Variants in E2F3 observed in about 807,000 individuals in gnomAD.
E2F3 encodes E2F transcription factor 3, also known as transcription factor E2F3.
In E2F3, 11 loss-of-function variants were observed where a neutral mutation model predicts 44.4. The observed-to-expected ratio is 0.25, with a 90% CI of 0.16 to 0.41. The LOEUF is 0.41. Among genes scored for constraint, E2F3 ranks in the 10% least tolerant of loss-of-function variants. The pLI is 1.00. For synonymous variants in E2F3, 249 were observed against 253.0 expected (o/e 0.98, Z 0.15); for missense variants, 487 against 583.6 (o/e 0.83, Z 1.70).
intron 1 of E2F3, among the ~76,000 whole-genome samples, chr6:20,438,190 C>T (rs76975965): frequency 0.012 from 1,883 of 152,240 alleles, 56 homozygotes; most frequent in African/African-American, 0.042. Flanking sequence ...CCCAATTTAC[C>T]TTACACAGTC....
chr6:20,418,549 G>A (rs534670955), intron 1 of E2F3, among the ~76,000 whole-genome samples: 2 of 152,254 alleles, frequency 1.3e-5, no homozygotes, highest in East Asian at 1.9e-4. Context: ...TTCTAAAGGC[G>A]GACAAACTAG....
At chr6:20,460,913 T>C (rs1442062751) in intron 1 of E2F3, among the ~76,000 whole-genome samples, 1 of 141,130 alleles carries the variant, frequency 7.1e-6, no homozygotes, top group Admixed American at 7.6e-5. Flanking sequence ...GGAGAATCAC[T>C]TGAACCCAGG....
At chr6:20,484,502 A>G (rs1466789809) in intron 4 of E2F3, among the ~76,000 whole-genome samples, 1 of 152,196 alleles carries the variant, frequency 6.6e-6, no homozygotes, top group African/African-American at 2.4e-5. Flanking sequence ...AGTGAGCTGT[A>G]GTGTAAGTAC....
intron 1 of E2F3, among the ~76,000 whole-genome samples, chr6:20,463,795 G>A (rs1761608424): frequency 6.6e-6 from 1 of 152,180 alleles, no homozygotes; most frequent in African/African-American, 2.4e-5. Context: ...CATCTACCCA[G>A]AGATAGCGTC....
chr6:20,463,861 A>C (rs1260728546), intron 1 of E2F3, among the ~76,000 whole-genome samples: 2 of 152,216 alleles, frequency 1.3e-5, no homozygotes, highest in African/African-American at 4.8e-5. Flanking sequence ...TTCCAATGCC[A>C]GTCGCAAGCC....
intron 1 of E2F3, among the ~76,000 whole-genome samples, chr6:20,455,169 A>G (rs1257989201): frequency 6.6e-6 from 1 of 152,230 alleles, no homozygotes; most frequent in African/African-American, 2.4e-5. Flanking sequence ...ATAAATAGCG[A>G]CTTGCTTGAA....
In E2F3 at chr6:20,402,373, CGCCGCCGCT is replaced by C. The variant is rs752556687; in HGVS notation, c.150_158del (p.Ala51_Ala53del). ...TAGCCAGCCCCGGCTTCGCCGCCGC[CGCCGCCGCT>C]GCCGCCGCCCCGGGCGCGTACATCC... On this transcript the variant is annotated inframe_deletion, in exon 1 of 7. Coordinates refer to ENST00000346618, the MANE Select transcript of E2F3 (RefSeq NM_001949.5). The surrounding 1 kb of genome is among the most constrained non-coding windows in gnomAD (Gnocchi z 5.6). 44 of 1,608,672 alleles carry C rather than the reference CGCCGCCGCT, an allele frequency of 2.7e-5. No individual in the cohort carries two copies. The highest frequency in any genetic ancestry group is 2.6e-5 in the Non-Finnish European group (31 of 1,178,284).
chr6:20,469,714 A>G (rs1376359241), intron 1 of E2F3, among the ~76,000 whole-genome samples: 1 of 152,190 alleles, frequency 6.6e-6, no homozygotes, highest in Non-Finnish European at 1.5e-5. Context: ...AAAAATGACC[A>G]ACTTTGGAGT....
At chr6:20,429,256 C>T (rs1207712976) in intron 1 of E2F3, among the ~76,000 whole-genome samples, 3 of 152,162 alleles carry the variant, frequency 2.0e-5, no homozygotes, top group East Asian at 1.9e-4. Context: ...AGGGTATATT[C>T]GTTGTCCCCC....
At chr6:20,453,264 C>T (rs1581619057) in intron 1 of E2F3, among the ~76,000 whole-genome samples, 1 of 152,028 alleles carries the variant, frequency 6.6e-6, no homozygotes, top group Non-Finnish European at 1.5e-5. Flanking sequence ...AAAGCATTTC[C>T]ACCAACCCCT....
At chr6:20,476,754 C>G (rs1409262138) in intron 1 of E2F3, among the ~76,000 whole-genome samples, 2 of 152,126 alleles carry the variant, frequency 1.3e-5, no homozygotes, top group African/African-American at 4.8e-5. Context: ...TGCACAGATG[C>G]GCTTAGACCA....
At chr6:20,417,651 A>G (rs1759892144) in intron 1 of E2F3, among the ~76,000 whole-genome samples, 1 of 151,838 alleles carries the variant, frequency 6.6e-6, no homozygotes, top group South Asian at 2.1e-4. Flanking sequence ...CACTAGCCCA[A>G]AGCCTGGATA....
At chr6:20,446,926 G>A (rs1344774320) in intron 1 of E2F3, among the ~76,000 whole-genome samples, 1 of 152,134 alleles carries the variant, frequency 6.6e-6, no homozygotes, top group Non-Finnish European at 1.5e-5. Context: ...AAAGTTAAAA[G>A]TAAAAGCAAA....
intron 1 of E2F3, among the ~76,000 whole-genome samples, chr6:20,416,952 G>A (rs781435037): frequency 6.6e-6 from 1 of 152,080 alleles, no homozygotes; most frequent in Non-Finnish European, 1.5e-5. Flanking sequence ...CACAGCACAC[G>A]GGACTCAGCA....
At position 20,486,768 on chromosome 6, in the gene E2F3, C is replaced by T; in HGVS notation, c.964C>T (p.Pro322Ser). The T allele has an allele frequency of 1.9e-6, 3 of 1,613,476 alleles. No individual in the cohort carries two copies. The South Asian group carries it at 3.3e-5, about 18-fold the overall frequency. Residue 322 changes from proline to serine, a missense_variant, in exon 5 of 7, where the codon CCA (proline) becomes TCA (serine). Physicochemically the swap from Pro to Ser is moderately conservative, Grantham distance 74. Around this residue, in one of 3 missense-constraint regions of E2F3, gnomAD observed 220 missense variants for 261.7 expected, o/e 0.84. Coordinates refer to ENST00000346618, the MANE Select transcript of E2F3 (RefSeq NM_001949.5). The stretch of plus-strand genomic sequence containing the variant: ...AACTGTTATAGTTGTGAAAGCCCCT[C>T]CAGAAACAAGACTTGAAGTGCCTGA... ...DQTVIVVKAP[P>S]ETRLEVPDSI...
At chr6:20,410,654 C>T (rs1272288373) in intron 1 of E2F3, among the ~76,000 whole-genome samples, 1 of 152,126 alleles carries the variant, frequency 6.6e-6, no homozygotes, top group Non-Finnish European at 1.5e-5. Context: ...AGTCTTGTTC[C>T]GTTGCCCAGG....
chr6:20,425,199 G>A (rs902352027), intron 1 of E2F3, among the ~76,000 whole-genome samples: 4 of 152,146 alleles, frequency 2.6e-5, no homozygotes, highest in Non-Finnish European at 4.4e-5. Context: ...TAAAGTTTAA[G>A]TGAGTGGGGA....
chr6:20,481,466 C>A, intron 3 of E2F3, 41 bp downstream of exon 3: 2 of 1,569,226 alleles, frequency 1.3e-6, no homozygotes, highest in South Asian at 2.2e-5. Flanking sequence ...CTGAGGGGGT[C>A]GTTTCAAACT....
chr6:20,449,733 G>A (rs1485235996), intron 1 of E2F3, among the ~76,000 whole-genome samples: 4 of 152,090 alleles, frequency 2.6e-5, no homozygotes, highest in Admixed American at 2.0e-4. Flanking sequence ...ATTAAGCCTA[G>A]TACCCATTAG....
Sources: allele counts gnomAD v4.1 joint callset (sites outside exome capture counted in the v4.1 genomes callset), GRCh38; gene constraint gnomAD v4.1.1; regional missense constraint gnomAD v4.1.1; non-coding constraint Gnocchi (gnomAD v3.1); transcripts MANE v1.5; gene names NCBI Gene and HGNC (gene_info 2026-07-23, HGNC 2026-07-21).